The following ARHGEF3 variants were observed in gnomAD, a reference collection of about 807,000 sequenced individuals.
The protein encoded by ARHGEF3 is Rho guanine nucleotide exchange factor 3, also known as 59.8 kDA protein.
A neutral mutation model predicts 63.2 loss-of-function variants in ARHGEF3; 28 were observed. That is an observed-to-expected ratio of 0.44 (90% CI 0.33 to 0.61). ARHGEF3 has a LOEUF of 0.61. ARHGEF3 is among the 20% of genes least tolerant of loss of function. ARHGEF3 has a pLI of 0.03. For missense variants in ARHGEF3, 533 were observed against 659.3 expected, an observed-to-expected ratio of 0.81 and a Z score of 2.10; for synonymous variants, 266 against 254.2, an observed-to-expected ratio of 1.05 and a Z score of -0.44.
rs765605984 is a variant in ARHGEF3, at chr3:57,014,017, C to T, written c.62+21071G>A. 9.5e-4 allele frequency among the ~76,000 whole-genome samples: 145 copies of T among 152,186 alleles called. 1 individual carries two copies. Among genetic ancestry groups the T allele is most frequent in the Admixed American group, 3.9e-3 (60 of 15,276 alleles). On this transcript the variant is annotated intron_variant, in intron 2 of 12. Transcript: ENST00000338458. Reference sequence around the variant, plus strand: ...CTGCTCACTCTTTGGATCTGCACTGCCTTTATGAGCTGTAACACTCACCGC... The same window carrying T: ...CTGCTCACTCTTTGGATCTGCACTGTCTTTATGAGCTGTAACACTCACCGC...
At position 56,729,276 on chromosome 3, in the gene ARHGEF3, G is replaced by T. The variant is rs747749503; in HGVS notation, c.1575C>A (p.Asn525Lys). 140 of 1,610,436 alleles carry T rather than the reference G, an allele frequency of 8.7e-5. No homozygotes were observed. The highest frequency in any genetic ancestry group is 1.0e-4 in the Admixed American group (6 of 59,864). The change falls in exon 10 of 10, where the codon AAC (asparagine) becomes AAA (lysine). Residue 525 changes from asparagine (N) to lysine (K), a missense_variant. Physicochemically the swap from Asn to Lys is moderately conservative, Grantham distance 94. Coordinates refer to ENST00000296315, the MANE Select transcript of ARHGEF3 (RefSeq NM_019555.3). Reference sequence around the variant, plus strand: ...CGAAGTGCACATGCTTCTGTCAGACGTTACTTTCACCGTGCCTGCTGTTTC... The same window carrying T: ...CGAAGTGCACATGCTTCTGTCAGACTTTACTTTCACCGTGCCTGCTGTTTC... ...SCGNSRHGES[N>K]V
chr3:56,780,051 C>CA (rs2036494267), intron 1 of ARHGEF3, among the ~76,000 whole-genome samples: 2 of 152,128 alleles, frequency 1.3e-5, no homozygotes, highest in Admixed American at 6.5e-5. Context: ...AGTGAGCAAG[C>CA]CAAGGTTTAA....
intron 3 of ARHGEF3, among the ~76,000 whole-genome samples, chr3:56,958,237 T>C (rs1214496813): frequency 1.3e-5 from 2 of 152,074 alleles, no homozygotes; most frequent in African/African-American, 4.8e-5. Flanking sequence ...TTGACACTTC[T>C]TAGCTTCTTC....
chr3:56,739,567 T>G (rs1221310128), intron 7 of ARHGEF3, among the ~76,000 whole-genome samples: 3 of 151,740 alleles, frequency 2.0e-5, no homozygotes, highest in African/African-American at 7.3e-5. Context: ...ACCTGGCTAA[T>G]TTTTGTATTT....
chr3:56,935,424 G>A (rs181140644), intron 3 of ARHGEF3, among the ~76,000 whole-genome samples: 45 of 152,222 alleles, frequency 3.0e-4, no homozygotes, highest in Middle Eastern at 3.4e-3. Context: ...GCGGCAACCC[G>A]CTGGGGTCCC....
At chr3:57,050,906 T>C (rs1704642030) in intron 1 of ARHGEF3, among the ~76,000 whole-genome samples, 1 of 152,240 alleles carries the variant, frequency 6.6e-6, no homozygotes, top group South Asian at 2.1e-4. Context: ...CACTGCAGCA[T>C]CCTTCCCTAT....
At chr3:56,749,878 A>G (rs896700259) in intron 6 of ARHGEF3, among the ~76,000 whole-genome samples, 2 of 151,348 alleles carry the variant, frequency 1.3e-5, no homozygotes, top group Non-Finnish European at 2.9e-5. Flanking sequence ...AGTCATTGAG[A>G]AACGTAAGTT....
At chr3:56,895,227 T>G (rs1164378557) in intron 3 of ARHGEF3, among the ~76,000 whole-genome samples, 1 of 152,174 alleles carries the variant, frequency 6.6e-6, no homozygotes, top group Non-Finnish European at 1.5e-5. Context: ...GCTTTCACGT[T>G]ATTGTTCTGA....
intron 3 of ARHGEF3, among the ~76,000 whole-genome samples, chr3:56,899,775 C>T (rs2041442592): frequency 6.6e-6 from 1 of 152,190 alleles, no homozygotes; most frequent in Admixed American, 6.5e-5. Context: ...GAGAAAGCAA[C>T]TCTCTGTTCC....
At chr3:57,023,032 T>C (rs1397758349) in intron 2 of ARHGEF3, among the ~76,000 whole-genome samples, 2 of 152,192 alleles carry the variant, frequency 1.3e-5, no homozygotes, top group East Asian at 3.8e-4. Context: ...TCCACCTGCT[T>C]ATGCTCACCC....
At chr3:56,858,683 C>T (rs116422410) in intron 4 of ARHGEF3, among the ~76,000 whole-genome samples, 1,872 of 152,272 alleles carry the variant, frequency 0.012, 43 homozygotes, top group African/African-American at 0.043. Context: ...ACATTGAAAG[C>T]TGAGATCAGA....
At chr3:56,768,211 C>A (rs2035815581) in intron 2 of ARHGEF3, among the ~76,000 whole-genome samples, 1 of 152,040 alleles carries the variant, frequency 6.6e-6, no homozygotes, top group South Asian at 2.1e-4. Flanking sequence ...GCGTGTGCCA[C>A]CACGCCCGGC....
intron 2 of ARHGEF3, among the ~76,000 whole-genome samples, chr3:56,980,075 C>G (rs572363943): frequency 1.3e-5 from 2 of 152,200 alleles, no homozygotes; most frequent in African/African-American, 2.4e-5. Flanking sequence ...TGATAACTCA[C>G]GCGCACCTCA....
At chr3:56,750,394 A>G (rs2107753666) in intron 6 of ARHGEF3, among the ~76,000 whole-genome samples, 1 of 152,346 alleles carries the variant, frequency 6.6e-6, no homozygotes, top group African/African-American at 2.4e-5. Context: ...ATCACAGCTT[A>G]CTTCTTTTTA....
intron 2 of ARHGEF3, among the ~76,000 whole-genome samples, chr3:57,013,948 CTGGGGAAGTTTTGTTCCTCTGCTCTT>C (rs1702826469): frequency 6.6e-6 from 1 of 152,204 alleles, no homozygotes; most frequent in South Asian, 2.1e-4. Context: ...AATTTCCACT[CTGGGGAAGTTTTGTTCCTCTGCTCTT>C]TGCAATAAAT....
intron 4 of ARHGEF3, among the ~76,000 whole-genome samples, chr3:56,853,085 C>T (rs1326110304): frequency 3.9e-5 from 6 of 152,154 alleles, no homozygotes; most frequent in African/African-American, 1.4e-4. Flanking sequence ...AAATGGAAAT[C>T]TATACATATG....
At chr3:56,791,936 G>A (rs973650352) in intron 1 of ARHGEF3, among the ~76,000 whole-genome samples, 1 of 151,774 alleles carries the variant, frequency 6.6e-6, no homozygotes, top group African/African-American at 2.4e-5. Context: ...AGGAGATAAT[G>A]CATGTGAAAA....
At chr3:57,079,076 G>A (rs1033379045) in intron 1 of ARHGEF3, 6 of 314,824 alleles carry the variant, frequency 1.9e-5, no homozygotes, top group Non-Finnish European at 3.5e-5. Context: ...GTGGGAGTGG[G>A]GGTCCAGCTC....
upstream of ARHGEF3, among the ~76,000 whole-genome samples, chr3:56,805,935 A>C (rs2037847547): frequency 6.6e-6 from 1 of 152,216 alleles, no homozygotes; most frequent in Admixed American, 6.5e-5. Context: ...TGGTGTTTAA[A>C]TACAGATATT....
Sources: gnomAD v4.1 joint callset for allele counts (sites outside exome capture counted in the v4.1 genomes callset) on GRCh38, gnomAD v4.1.1 for gene constraint, MANE v1.5 for transcripts, NCBI Gene and HGNC (gene_info 2026-07-23, HGNC 2026-07-21) for gene names.